Variants in GPC6 observed in about 807,000 individuals in gnomAD.
The protein encoded by GPC6 is glypican-6.
Under a neutral mutation model 55.2 loss-of-function variants are expected in GPC6, and 14 were observed. The observed-to-expected ratio is 0.25, with a 90% CI of 0.17 to 0.40. The LOEUF (loss-of-function observed/expected upper bound fraction) is 0.40. Ranked by LOEUF, GPC6 falls within the 10% of genes least tolerant of loss-of-function variation. The pLI is 1.00. For synonymous variants in GPC6, 278 were observed against 259.6 expected (o/e 1.07, Z -0.68); for missense variants, 641 against 708.5 (o/e 0.90, Z 1.08).
chr13:94,250,917 A>G (rs1891328528), intron 4 of GPC6, among the ~76,000 whole-genome samples: 1 of 152,172 alleles, frequency 6.6e-6, no homozygotes, highest in African/African-American at 2.4e-5. Context: ...AGTTTCAGAC[A>G]TAGAAGGGAT....
intron 1 of GPC6, among the ~76,000 whole-genome samples, chr13:93,359,169 T>C (rs991979527): frequency 6.6e-6 from 1 of 152,044 alleles, no homozygotes; most frequent in Non-Finnish European, 1.5e-5. Context: ...TCTCAGCATG[T>C]TGCCCAGGCC....
At chr13:93,719,613 A>G (rs1198944099) in intron 2 of GPC6, among the ~76,000 whole-genome samples, 1 of 152,050 alleles carries the variant, frequency 6.6e-6, no homozygotes, top group African/African-American at 2.4e-5. Context: ...AGAACTTCTA[A>G]TACTATGTTG....
Position 94,024,102 on chromosome 13 carries a change from G to GACACACACAC in GPC6, c.712-3603_712-3594dup, listed in dbSNP as rs140178004. 1.1e-3 allele frequency among the ~76,000 whole-genome samples: 164 copies of GACACACACAC among 144,298 alleles called. 1 individual carries two copies. Among genetic ancestry groups the GACACACACAC allele is most frequent in the East Asian group, 3.9e-3 (19 of 4,906 alleles). The allele number at this position is 144,298 out of a possible 152,430, so 94.7% of individuals were successfully genotyped here. On this transcript the variant is annotated intron_variant, in intron 3 of 8. Coordinates refer to ENST00000377047, the MANE Select transcript of GPC6 (RefSeq NM_005708.5). ...ATAAAATAGCATAGAACTGTGTATA[G>GACACACACAC]ACACACACACACACACACACACACA...
intron 2 of GPC6, among the ~76,000 whole-genome samples, chr13:93,718,072 C>T (rs1407697450): frequency 2.6e-5 from 4 of 151,538 alleles, no homozygotes; most frequent in Non-Finnish European, 5.9e-5. Context: ...AATAAACATA[C>T]GTATGCATGT....
chr13:93,531,631 G>A (rs771928396), intron 1 of GPC6, among the ~76,000 whole-genome samples: 3 of 152,136 alleles, frequency 2.0e-5, no homozygotes, highest in Non-Finnish European at 4.4e-5. Flanking sequence ...TGGCCTAGCC[G>A]TGCTGGCTCA....
chr13:93,708,274 T>A (rs1882927585), intron 2 of GPC6, among the ~76,000 whole-genome samples: 2 of 151,802 alleles, frequency 1.3e-5, no homozygotes, highest in Non-Finnish European at 2.9e-5. Context: ...TTTTGTTTTA[T>A]TTTAGCTTTC....
chr13:93,322,287 T>G (rs886747827), intron 1 of GPC6, among the ~76,000 whole-genome samples: 5 of 152,120 alleles, frequency 3.3e-5, no homozygotes, highest in Non-Finnish European at 5.9e-5. Context: ...TTCCTGATCC[T>G]CTCTCTCTTT....
intron 2 of GPC6, among the ~76,000 whole-genome samples, chr13:93,774,977 A>G (rs1885421017): frequency 6.6e-6 from 1 of 152,144 alleles, no homozygotes; most frequent in Non-Finnish European, 1.5e-5. Flanking sequence ...GGGTGAGAAA[A>G]GGACATCCAT....
At chr13:94,208,429 C>G (rs1889969836) in intron 4 of GPC6, among the ~76,000 whole-genome samples, 1 of 151,976 alleles carries the variant, frequency 6.6e-6, no homozygotes, top group African/African-American at 2.4e-5. Flanking sequence ...GAACAGCTGG[C>G]TGCCAAGATT....
rs555161963 is a variant in GPC6 at position 94,336,084 on chromosome 13, T to C, written c.1152+29961T>C. 6.6e-4 allele frequency among the ~76,000 whole-genome samples: 101 copies of C among 152,224 alleles called. 1 individual carries two copies. The South Asian group carries it at 9.3e-3, about 14-fold the overall frequency. Reference sequence around the variant, plus strand: ...TAAAATGCCCTGCAAAGCATTTTGCTGGTAGATGCTCGGAAAATGTTGAGG... The same window carrying C: ...TAAAATGCCCTGCAAAGCATTTTGCCGGTAGATGCTCGGAAAATGTTGAGG... On this transcript the variant is annotated intron_variant, in intron 6 of 8. Transcript: ENST00000377047.
At chr13:94,107,517 CTAGA>C (rs1886096655) in intron 4 of GPC6, among the ~76,000 whole-genome samples, 1 of 151,608 alleles carries the variant, frequency 6.6e-6, no homozygotes, top group South Asian at 2.1e-4. Context: ...CTACTCCTTA[CTAGA>C]TAAATAACCT....
intron 4 of GPC6, among the ~76,000 whole-genome samples, chr13:94,237,778 G>T (rs1211114230): frequency 6.6e-6 from 1 of 152,148 alleles, no homozygotes; most frequent in Non-Finnish European, 1.5e-5. Flanking sequence ...GGATTTGTAA[G>T]CCAGGGTTAT....
intron 4 of GPC6, among the ~76,000 whole-genome samples, chr13:94,147,814 A>T (rs370451987): frequency 6.6e-6 from 1 of 152,172 alleles, no homozygotes; most frequent in Non-Finnish European, 1.5e-5. Flanking sequence ...TACTCATAAC[A>T]TTCTTGTAGA....
intron 3 of GPC6, among the ~76,000 whole-genome samples, chr13:93,906,425 C>T (rs1254139251): frequency 1.3e-5 from 2 of 152,112 alleles, no homozygotes; most frequent in Non-Finnish European, 1.5e-5. Context: ...AATAAATGCT[C>T]ATGACAGTGT....
the GPC6 span, among the ~76,000 whole-genome samples, chr13:93,219,570 C>T: frequency 6.6e-6 from 1 of 152,018 alleles, no homozygotes; most frequent in African/African-American, 2.4e-5. Flanking sequence ...GCAGACAATC[C>T]ATTCAAAATT....
intron 1 of GPC6, among the ~76,000 whole-genome samples, chr13:93,418,369 T>C (rs1876782409): frequency 6.6e-6 from 1 of 151,368 alleles, no homozygotes; most frequent in South Asian, 2.1e-4. Flanking sequence ...TGCTATACCA[T>C]AGTATTATTT....
intron 4 of GPC6, among the ~76,000 whole-genome samples, chr13:94,272,453 CTTTTCTTTTCTTTTTT>C (rs1271582186): frequency 8.5e-6 from 1 of 118,094 alleles, no homozygotes; most frequent in African/African-American, 3.9e-5. Flanking sequence ...CTTTTCTTTT[CTTTTCTTTTCTTTTTT>C]TTTTTTTTTT....
intron 2 of GPC6, among the ~76,000 whole-genome samples, chr13:93,789,271 A>G (rs983840886): frequency 6.6e-6 from 1 of 151,924 alleles, no homozygotes; most frequent in African/African-American, 2.4e-5. Flanking sequence ...AGCAGAAGAT[A>G]TTAGTGTTCT....
chr13:93,598,448 T>C (rs1334290741), intron 2 of GPC6, among the ~76,000 whole-genome samples: 3 of 152,316 alleles, frequency 2.0e-5, no homozygotes, highest in East Asian at 3.9e-4. Context: ...TTCAAGTGAG[T>C]GCCTTCACAT....
Sources: allele counts gnomAD v4.1 joint callset (sites outside exome capture counted in the v4.1 genomes callset), GRCh38; gene constraint gnomAD v4.1.1; transcripts MANE v1.5; gene names NCBI Gene and HGNC (gene_info 2026-07-23, HGNC 2026-07-21).